ST7: variants seen among roughly 807,000 people sequenced by gnomAD.
ST7 encodes the protein suppressor of tumorigenicity 7 protein.
ST7 carries 28 observed loss-of-function variants against 78.7 expected under a neutral mutation model. The ratio of observed to expected loss-of-function variants is 0.36; its 90% confidence interval spans 0.26 to 0.49. The LOEUF is 0.49. Ranked by LOEUF, ST7 falls within the 20% of genes least tolerant of loss-of-function variation. ST7 has a pLI of 0.99. For synonymous variants in ST7, 247 were observed against 249.6 expected, an observed-to-expected ratio of 0.99 and a Z score of 0.10; for missense variants, 418 against 696.0, an observed-to-expected ratio of 0.60 and a Z score of 4.49.
At chr7:117,148,827 G>A (rs1396954068) in intron 9 of ST7, among the ~76,000 whole-genome samples, 1 of 152,166 alleles carries the variant, frequency 6.6e-6, no homozygotes, top group Admixed American at 6.6e-5. Flanking sequence ...GATGTGTGGG[G>A]AGCACTGATG....
intron 1 of ST7, among the ~76,000 whole-genome samples, chr7:116,998,301 C>G (rs1019249186): frequency 6.6e-6 from 1 of 152,134 alleles, no homozygotes; most frequent in Non-Finnish European, 1.5e-5. Context: ...GTGTGGGGCC[C>G]GCCGAGCCCA....
intron 10 of ST7, among the ~76,000 whole-genome samples, chr7:117,176,005 TTTATC>T (rs1466868744): frequency 1.3e-5 from 2 of 152,172 alleles, no homozygotes; most frequent in Admixed American, 6.5e-5. Flanking sequence ...AATTCTTAGT[TTTATC>T]TAAACTTTTG....
intron 1 of ST7, among the ~76,000 whole-genome samples, chr7:117,049,273 A>AGT (rs1797647675): frequency 1.3e-5 from 2 of 152,060 alleles, no homozygotes; most frequent in African/African-American, 4.8e-5. Flanking sequence ...TTTTTCCCAG[A>AGT]ATAGGGCACT....
At chr7:117,004,076 G>GT (rs1223714236) in intron 1 of ST7, among the ~76,000 whole-genome samples, 1 of 151,950 alleles carries the variant, frequency 6.6e-6, no homozygotes, top group African/African-American at 2.4e-5. Flanking sequence ...TTTTTGAAAA[G>GT]TTTTTTTTAC....
At chr7:117,015,281 T>C (rs935376654) in intron 1 of ST7, among the ~76,000 whole-genome samples, 2 of 152,200 alleles carry the variant, frequency 1.3e-5, no homozygotes, top group African/African-American at 2.4e-5. Context: ...CAACCCATAG[T>C]TAATCCACAT....
At chr7:117,037,988 G>A (rs1187561450) in intron 1 of ST7, among the ~76,000 whole-genome samples, 1 of 152,110 alleles carries the variant, frequency 6.6e-6, no homozygotes, top group Non-Finnish European at 1.5e-5. Flanking sequence ...TATTGCTATA[G>A]CCTTAACTGA....
intron 1 of ST7, among the ~76,000 whole-genome samples, chr7:117,004,781 A>G (rs1795091079): frequency 6.6e-6 from 1 of 152,224 alleles, no homozygotes; most frequent in Non-Finnish European, 1.5e-5. Flanking sequence ...TTAAAATAAT[A>G]CCTCATTTCT....
At chr7:117,026,350 G>T (rs975731677) in intron 1 of ST7, among the ~76,000 whole-genome samples, 8 of 151,940 alleles carry the variant, frequency 5.3e-5, no homozygotes, top group Non-Finnish European at 5.9e-5. Flanking sequence ...ATTCCTTTTT[G>T]AAGAGTATTG....
intron 9 of ST7, among the ~76,000 whole-genome samples, chr7:117,160,423 C>T (rs1478195004): frequency 2.0e-5 from 3 of 151,790 alleles, no homozygotes; most frequent in Non-Finnish European, 4.4e-5. Flanking sequence ...GGAAAATGAG[C>T]TCACCTGGTG....
chr7:117,201,845 C>A (rs1033832000), intron 12 of ST7, among the ~76,000 whole-genome samples: 2 of 152,148 alleles, frequency 1.3e-5, no homozygotes, highest in Admixed American at 6.5e-5. Context: ...GACACCTTCT[C>A]TCTGTGCCAC....
At chr7:117,189,238 T>C in intron 10 of ST7, 83 bp from the exon 11 acceptor site, 1 of 879,606 alleles carries the variant, frequency 1.1e-6, no homozygotes, top group Non-Finnish European at 1.8e-6. Flanking sequence ...CACTTAAACG[T>C]GATTAAAATG....
At chr7:117,110,156 G>C (rs548229184) in intron 2 of ST7, among the ~76,000 whole-genome samples, 1 of 152,238 alleles carries the variant, frequency 6.6e-6, no homozygotes, top group East Asian at 1.9e-4. Flanking sequence ...GTCTCCCTCT[G>C]ATGATTATCA....
At chr7:117,095,161 C>T (rs898347457) in intron 1 of ST7, among the ~76,000 whole-genome samples, 2 of 152,106 alleles carry the variant, frequency 1.3e-5, no homozygotes, top group African/African-American at 4.8e-5. Flanking sequence ...TTTACAGAGG[C>T]CTCTTCCAGG....
chr7:116,957,646 TATC>T (rs1222302405), intron 1 of ST7, among the ~76,000 whole-genome samples: 1 of 152,236 alleles, frequency 6.6e-6, no homozygotes, highest in Non-Finnish European at 1.5e-5. Context: ...AGTGAATTAA[TATC>T]ATAAAGCAAT....
At position 117,221,615 on chromosome 7, in the gene ST7, G is replaced by GA. The variant is rs148952298; in HGVS notation, c.1499-301dup. ...TTGTTTCAGCTGTGTTTGCTTTTGA[G>GA]AAAAAAATACTATACATTAGGCATA... is the stretch of plus-strand genomic sequence containing the variant. On this transcript the variant is annotated intron_variant, in intron 14 of 15. Coordinates refer to ENST00000323984, the MANE Select transcript of ST7 (RefSeq NM_001369598.1). 2.6e-3 allele frequency among the ~76,000 whole-genome samples: 399 copies of GA among 152,042 alleles called. 12 individuals carry two copies. In the East Asian group the frequency reaches 0.068, roughly 26 times the overall value.
intron 15 of ST7, among the ~76,000 whole-genome samples, chr7:117,224,422 A>G (rs1006761603): frequency 6.6e-6 from 1 of 152,130 alleles, no homozygotes; most frequent in Non-Finnish European, 1.5e-5. Flanking sequence ...ACTACTTGTT[A>G]TTTTCTTCTA....
At chr7:117,113,259 G>C (rs961914691) in intron 2 of ST7, among the ~76,000 whole-genome samples, 1 of 152,224 alleles carries the variant, frequency 6.6e-6, no homozygotes, top group Non-Finnish European at 1.5e-5. Context: ...ATGGAGTGAA[G>C]ACTAGAATTT....
chr7:117,156,145 G>T (rs1348893850), intron 9 of ST7, among the ~76,000 whole-genome samples: 1 of 152,028 alleles, frequency 6.6e-6, no homozygotes, highest in Non-Finnish European at 1.5e-5. Context: ...TTATTTATTT[G>T]CTTATTTTCC....
chr7:117,162,620 G>A (rs1242346251), intron 9 of ST7, among the ~76,000 whole-genome samples: 1 of 151,816 alleles, frequency 6.6e-6, no homozygotes, highest in East Asian at 2.0e-4. Context: ...GAGGTGCTGG[G>A]TTGTATGGTG....
Sources: allele counts gnomAD v4.1 joint callset (sites outside exome capture counted in the v4.1 genomes callset), GRCh38; gene constraint gnomAD v4.1.1; transcripts MANE v1.5; gene names NCBI Gene and HGNC (gene_info 2026-07-23, HGNC 2026-07-21).